EPB41: variants seen among roughly 807,000 people sequenced by gnomAD.
EPB41 encodes the protein erythrocyte membrane protein band 4.1.
In EPB41, 65 loss-of-function variants were observed where a neutral mutation model predicts 108.0. The ratio of observed to expected loss-of-function variants is 0.60; its 90% CI spans 0.49 to 0.74. EPB41 has a LOEUF of 0.74. Among genes scored for constraint, EPB41 ranks in the 30% least tolerant of loss-of-function variants. EPB41 has a pLI of 0.00. For missense variants in EPB41, 875 were observed against 1,037.0 expected (o/e 0.84, Z 2.15); for synonymous variants, 336 against 358.9 (o/e 0.94, Z 0.72).
At chr1:29,019,491 G>A (rs1329756602) in intron 7 of EPB41, among the ~76,000 whole-genome samples, 5 of 152,134 alleles carry the variant, frequency 3.3e-5, no homozygotes, top group African/African-American at 1.2e-4. Context: ...TACATTCATT[G>A]TTACTTGAGT....
In EPB41 at chr1:28,922,710, C is replaced by T. The variant is rs189684372; in HGVS notation, c.-8+7942C>T. On this transcript the variant is annotated intron_variant, in intron 1 of 20. Coordinates refer to ENST00000343067, the MANE Select transcript of EPB41 (RefSeq NM_001376013.1). ...TGGCGCGATCTCGGCTCACTGCAAC[C>T]TCTGCCTCCCGGGTTCAAGCAATTC... Among the ~76,000 whole-genome samples, 149 of 151,152 alleles carry T rather than the reference C, an allele frequency of 9.9e-4. 3 individuals are homozygous for T. The East Asian group carries it at 0.02, about 20-fold the overall frequency.
chr1:29,022,372 T>TA (rs370103452), intron 7 of EPB41, among the ~76,000 whole-genome samples: 52,004 of 112,562 alleles, frequency 0.46, 9,435 homozygotes, highest in Non-Finnish European at 0.52. Context: ...ATTGATATAA[T>TA]AAAAAAAAAA....
chr1:29,093,398 T>C (rs1196927816), intron 16 of EPB41, among the ~76,000 whole-genome samples: 5 of 152,188 alleles, frequency 3.3e-5, no homozygotes, highest in Admixed American at 3.3e-4. Context: ...AATGGAGTTG[T>C]TTCTTTCTTG....
intron 1 of EPB41, among the ~76,000 whole-genome samples, chr1:28,961,034 CAAAAA>C (rs1272961367): frequency 3.9e-5 from 2 of 51,132 alleles, no homozygotes; most frequent in African/African-American, 6.9e-5. Context: ...AACCCTGTCT[CAAAAA>C]AAAAAAAAAA....
intron 1 of EPB41, chr1:28,982,380 G>A: frequency 1.4e-6 from 1 of 720,856 alleles, no homozygotes; most frequent in Non-Finnish European, 2.6e-6. Flanking sequence ...TTAGGTGATT[G>A]TAGTTACAAA....
intron 4 of EPB41, among the ~76,000 whole-genome samples, chr1:29,004,593 A>G (rs771441682): frequency 6.6e-6 from 1 of 152,232 alleles, no homozygotes; most frequent in African/African-American, 2.4e-5. Context: ...AGAAAGACGA[A>G]GGGGAATTTT....
At chr1:29,116,746 AG>A (rs1293512062) in intron 20 of EPB41, 72 bp from the exon 21 acceptor site, 2 of 152,264 alleles carry the variant, frequency 1.3e-5, no homozygotes, top group Non-Finnish European at 1.5e-5. Context: ...TGATGGCCAC[AG>A]GAACTTGGCA....
At chr1:29,056,185 G>C (rs893378324) in intron 12 of EPB41, among the ~76,000 whole-genome samples, 3 of 147,274 alleles carry the variant, frequency 2.0e-5, no homozygotes, top group African/African-American at 7.5e-5. Flanking sequence ...AGTGAGCCGA[G>C]ATCGCGCCGC....
At chr1:29,053,908 A>T (rs910083241) in intron 12 of EPB41, 1 of 152,706 alleles carries the variant, frequency 6.5e-6, no homozygotes, top group Non-Finnish European at 1.5e-5. Context: ...AGTATGATTG[A>T]TCCTCTGCTT....
At chr1:28,933,244 A>G (rs2093837900) in intron 1 of EPB41, among the ~76,000 whole-genome samples, 2 of 152,228 alleles carry the variant, frequency 1.3e-5, no homozygotes, top group African/African-American at 4.8e-5. Context: ...TCTGCTCAAA[A>G]AGCAGAAAAG....
chr1:29,011,565 G>C (rs1411319405), intron 4 of EPB41, among the ~76,000 whole-genome samples: 1 of 152,110 alleles, frequency 6.6e-6, no homozygotes, highest in East Asian at 1.9e-4. Context: ...TATCTTCACA[G>C]TAACACTATG....
chr1:29,023,412 G>A (rs371368629), intron 7 of EPB41, among the ~76,000 whole-genome samples: 5 of 151,888 alleles, frequency 3.3e-5, no homozygotes, highest in African/African-American at 1.2e-4. Context: ...TCTTGACCGG[G>A]CACAGTGGCT....
In EPB41 at chr1:29,109,406, C is replaced by T. The variant is rs77432961; in HGVS notation, c.2384C>T (p.Pro795Leu). ...LTAQTITSET[P>L]SSTTTTQITK... is the part of the protein sequence containing the mutation. The stretch of plus-strand genomic sequence containing the variant: ...GCTCAAACTATCACATCTGAGACCC[C>T]AAGCAGCACCACCACAACTCAAATT... The change falls in exon 18 of 21, where the codon CCA becomes CTA. Residue 795 changes from proline to leucine, a missense_variant. Transcript: ENST00000343067. The T allele has an allele frequency of 6.2e-7, 1 of 1,614,076 alleles. No homozygotes were observed. Among genetic ancestry groups the T allele is most frequent in the Non-Finnish European group, 8.5e-7 (1 of 1,179,990 alleles).
At chr1:29,112,759 A>G (rs1393913349) in intron 19 of EPB41, among the ~76,000 whole-genome samples, 5 of 152,204 alleles carry the variant, frequency 3.3e-5, no homozygotes, top group African/African-American at 1.2e-4. Flanking sequence ...TGAAGATGAT[A>G]GTATCTCCCT....
intron 16 of EPB41, among the ~76,000 whole-genome samples, chr1:29,094,612 G>A (rs921997989): frequency 6.6e-6 from 1 of 152,176 alleles, no homozygotes; most frequent in African/African-American, 2.4e-5. Flanking sequence ...GCGTTGTAGC[G>A]ATCTTTCACC....
At chr1:28,934,302 G>A (rs901262514) in intron 1 of EPB41, among the ~76,000 whole-genome samples, 10 of 152,130 alleles carry the variant, frequency 6.6e-5, no homozygotes, top group Non-Finnish European at 8.8e-5. Flanking sequence ...TATCACTACT[G>A]ATGTTGACCT....
chr1:29,092,295 C>T (rs1038024418), intron 16 of EPB41, among the ~76,000 whole-genome samples: 1 of 151,940 alleles, frequency 6.6e-6, no homozygotes, highest in African/African-American at 2.4e-5. Flanking sequence ...TGGGGTTTCT[C>T]CATGTTGGAC....
In EPB41 at chr1:29,018,827, T is replaced by A. The variant is rs1018754477; in HGVS notation, c.1124+385T>A. 6.6e-6 allele frequency among the ~76,000 whole-genome samples: 1 copy of A among 152,198 alleles called. No homozygotes were observed. The highest frequency in any genetic ancestry group is 1.5e-5 in the Non-Finnish European group (1 of 68,034). On this transcript the variant is annotated intron_variant, in intron 7 of 20. Transcript: ENST00000343067. The surrounding 1 kb of genome is among the most constrained non-coding windows in gnomAD (Gnocchi z 4.4). ...GCAGGGGTTTTTAATTTGAGATCTT[T>A]ATACATGGATAGATTTCAGAGGGCC...
chr1:28,935,471 C>CACACACACACACA (rs1557725675), intron 1 of EPB41, among the ~76,000 whole-genome samples: 1 of 49,464 alleles, frequency 2.0e-5, no homozygotes, highest in African/African-American at 7.9e-5. Flanking sequence ...ACACACACCC[C>CACACACACACACA]CCCCCCCCCA....
Sources: gnomAD v4.1 joint callset for allele counts (sites outside exome capture counted in the v4.1 genomes callset) on GRCh38, gnomAD v4.1.1 for gene constraint, Gnocchi (gnomAD v3.1) non-coding constraint, MANE v1.5 for transcripts, NCBI Gene and HGNC (gene_info 2026-07-23, HGNC 2026-07-21) for gene names.